The following PHF24 variants were observed in gnomAD, a reference collection of about 807,000 sequenced individuals.
The protein encoded by PHF24 is PHD finger protein 24, also known as Galpha inhibitory interacting protein.
A neutral mutation model predicts 42.6 loss-of-function variants in PHF24; 25 were observed. That is an observed-to-expected ratio of 0.59 (90% CI 0.43 to 0.82). The LOEUF is 0.82. PHF24 is among the 40% of genes least tolerant of loss of function. The pLI, the probability that PHF24 is intolerant of heterozygous loss-of-function variation, is 0.00. For synonymous variants in PHF24, 185 were observed against 204.8 expected (o/e 0.90, Z 0.83); for missense variants, 470 against 538.1 (o/e 0.87, Z 1.25).
At chr9:34,844,316 C>T in the PHF24 span, among the ~76,000 whole-genome samples, 2 of 151,662 alleles carry the variant, frequency 1.3e-5, no homozygotes, top group African/African-American at 2.4e-5. Context: ...TTTATTATTT[C>T]TTTCCTTTCA....
chr9:34,832,635 T>C, the PHF24 span: 1 of 1,540,776 alleles, frequency 6.5e-7, no homozygotes, highest in Non-Finnish European at 8.8e-7. Context: ...TGTCTTGGGG[T>C]TAATACACTC....
At chr9:34,918,216 C>T in the PHF24 span, 1 of 1,483,746 alleles carries the variant, frequency 6.7e-7, no homozygotes, top group South Asian at 1.1e-5. Flanking sequence ...CAACTGTGAC[C>T]CCTTTTCGGT....
intron 6 of PHF24, 92 bp from the exon 7 acceptor site, chr9:34,977,453 TG>T: frequency 7.4e-7 from 1 of 1,348,632 alleles, no homozygotes; most frequent in Non-Finnish European, 1.0e-6. Flanking sequence ...AGAGCCTGGA[TG>T]AGCATGTCCA....
At chr9:34,937,994 A>C in the PHF24 span, among the ~76,000 whole-genome samples, 3 of 152,244 alleles carry the variant, frequency 2.0e-5, no homozygotes, top group Non-Finnish European at 4.4e-5. Flanking sequence ...TCTTGAGGCC[A>C]GTGTGGTGAG....
At chr9:34,853,564 C>T in the PHF24 span, among the ~76,000 whole-genome samples, 7 of 151,152 alleles carry the variant, frequency 4.6e-5, no homozygotes, top group Admixed American at 2.6e-4. Flanking sequence ...CGCGGTGGCT[C>T]ACGCCTGTAA....
At chr9:34,723,521 G>T in the PHF24 span, 7 of 1,551,812 alleles carry the variant, frequency 4.5e-6, no homozygotes, top group Non-Finnish European at 6.1e-6. Flanking sequence ...GGCCACCTTC[G>T]CAGCGGCTGA....
the PHF24 span, among the ~76,000 whole-genome samples, chr9:34,798,261 A>C: frequency 0.04 from 6,146 of 152,258 alleles, 398 homozygotes; most frequent in African/African-American, 0.14. Flanking sequence ...TAGGTTTGTT[A>C]CAAGAGTACA....
At chr9:34,971,616 C>T (rs749435695) in exon 2 of PHF24, 3 of 1,613,922 alleles carry the variant, frequency 1.9e-6, no homozygotes, top group South Asian at 2.2e-5. Flanking sequence ...CGTTCATCCG[C>T]CCCACCCGGA....
At chr9:34,979,772 G>A (rs1298463663) in exon 8 of PHF24, 1 of 152,238 alleles carries the variant, frequency 6.6e-6, no homozygotes, top group Non-Finnish European at 1.5e-5. Flanking sequence ...GCTGGAAGCA[G>A]GGTGGTGAGC....
the PHF24 span, among the ~76,000 whole-genome samples, chr9:34,932,563 T>C: frequency 6.6e-6 from 1 of 152,210 alleles, no homozygotes; most frequent in African/African-American, 2.4e-5. Flanking sequence ...AAATGTGTGC[T>C]GAATAAACTA....
chr9:34,935,654 A>T, the PHF24 span, among the ~76,000 whole-genome samples: 1 of 150,988 alleles, frequency 6.6e-6, no homozygotes, highest in Non-Finnish European at 1.5e-5. Context: ...GCTACATAGG[A>T]AAGAGTTTCA....
At chr9:34,740,242 T>A in the PHF24 span, among the ~76,000 whole-genome samples, 1 of 152,196 alleles carries the variant, frequency 6.6e-6, no homozygotes, top group African/African-American at 2.4e-5. Context: ...CCCGCACTCC[T>A]CAGCCCTTGG....
At chr9:34,892,586 A>T in the PHF24 span, 2 of 452,728 alleles carry the variant, frequency 4.4e-6, no homozygotes, top group Admixed American at 7.4e-5. Context: ...GTAGGGTCAT[A>T]GGCTGTTGTT....
chr9:34,936,620 T>G, the PHF24 span, among the ~76,000 whole-genome samples: 2 of 147,476 alleles, frequency 1.4e-5, no homozygotes, highest in East Asian at 4.1e-4. Flanking sequence ...ATCTAGGAAG[T>G]GAGGAGCGCC....
At chr9:34,771,396 G>C in the PHF24 span, among the ~76,000 whole-genome samples, 1 of 152,068 alleles carries the variant, frequency 6.6e-6, no homozygotes, top group Non-Finnish European at 1.5e-5. Flanking sequence ...ACATAGAAAA[G>C]GTACAGAAAA....
chr9:34,846,890 G>A, the PHF24 span, among the ~76,000 whole-genome samples: 14 of 152,138 alleles, frequency 9.2e-5, no homozygotes, highest in Admixed American at 6.5e-4. Flanking sequence ...TCTCAGGTTT[G>A]TCAAAGATCA....
chr9:34,830,681 A>T, the PHF24 span, among the ~76,000 whole-genome samples: 1 of 152,194 alleles, frequency 6.6e-6, no homozygotes, highest in African/African-American at 2.4e-5. Context: ...CCGAAAAGGT[A>T]GCAGGAAAGA....
chr9:34,919,105 GCAGA>G, the PHF24 span, among the ~76,000 whole-genome samples: 45 of 152,200 alleles, frequency 3.0e-4, no homozygotes, highest in Admixed American at 1.5e-3. Flanking sequence ...GAAAAATTTA[GCAGA>G]CAGTGCTGAA....
chr9:34,921,195 T>G, the PHF24 span, among the ~76,000 whole-genome samples: 1 of 152,060 alleles, frequency 6.6e-6, no homozygotes, highest in Non-Finnish European at 1.5e-5. Flanking sequence ...TTTCCATTCT[T>G]AAAACTTTTA....
Sources: gnomAD v4.1 joint callset for allele counts (sites outside exome capture counted in the v4.1 genomes callset) on GRCh38, gnomAD v4.1.1 for gene constraint, MANE v1.5 for transcripts, NCBI Gene and HGNC (gene_info 2026-07-23, HGNC 2026-07-21) for gene names.